SGCZ: variants seen among roughly 807,000 people sequenced by gnomAD.
The protein encoded by SGCZ is sarcoglycan zeta.
Under a neutral mutation model 41.3 loss-of-function variants are expected in SGCZ, and 40 were observed. The observed-to-expected ratio is 0.97, with a 90% CI of 0.75 to 1.26. The LOEUF is 1.26. SGCZ is among the 50% of genes most tolerant of loss of function. The probability of loss-of-function intolerance (pLI) is 0.00; values close to 1 mark genes in which losing one functional copy is unlikely to be tolerated. For missense variants in SGCZ, 552 were observed against 369.8 expected (o/e 1.49, Z -4.04); for synonymous variants, 206 against 137.5 (o/e 1.50, Z -3.49).
intron 1 of SGCZ, among the ~76,000 whole-genome samples, chr8:14,983,956 C>G (rs1311879774): frequency 1.3e-5 from 2 of 152,222 alleles, no homozygotes; most frequent in East Asian, 3.9e-4. Context: ...TCAACCAATA[C>G]TCGCTTTTAA....
intron 1 of SGCZ, among the ~76,000 whole-genome samples, chr8:14,626,539 A>G (rs200756079): frequency 6.6e-6 from 1 of 152,156 alleles, no homozygotes; most frequent in East Asian, 1.9e-4. Context: ...GGGTCATTGC[A>G]AGTGTAAATA....
intron 1 of SGCZ, among the ~76,000 whole-genome samples, chr8:15,136,005 G>T (rs185180015): frequency 1.3e-5 from 2 of 152,214 alleles, no homozygotes; most frequent in East Asian, 3.9e-4. Context: ...CAGGTTATCG[G>T]GTCATTGCCA....
At chr8:14,895,505 C>T (rs766461102) in intron 1 of SGCZ, among the ~76,000 whole-genome samples, 33 of 151,932 alleles carry the variant, frequency 2.2e-4, no homozygotes, top group Non-Finnish European at 4.0e-4. Context: ...AGATTAAAGC[C>T]TTATTATAAC....
chr8:15,217,335 T>TGA (rs1801438437), intron 1 of SGCZ, among the ~76,000 whole-genome samples: 1 of 149,588 alleles, frequency 6.7e-6, no homozygotes, highest in Non-Finnish European at 1.5e-5. Flanking sequence ...GAGAATGGCG[T>TGA]GAACCCGGGA....
chr8:14,116,960 T>C (rs980893101), intron 5 of SGCZ, among the ~76,000 whole-genome samples: 3 of 152,128 alleles, frequency 2.0e-5, no homozygotes, highest in Non-Finnish European at 4.4e-5. Context: ...TACTGCTTTT[T>C]GCAATTTATA....
intron 1 of SGCZ, among the ~76,000 whole-genome samples, chr8:14,628,827 A>T (rs1253147998): frequency 6.6e-6 from 1 of 152,136 alleles, no homozygotes; most frequent in Non-Finnish European, 1.5e-5. Flanking sequence ...AGTATATTTA[A>T]ATCTTTCCTT....
At chr8:14,674,807 A>C (rs1000000840) in intron 1 of SGCZ, among the ~76,000 whole-genome samples, 1 of 151,466 alleles carries the variant, frequency 6.6e-6, no homozygotes, top group Non-Finnish European at 1.5e-5. Flanking sequence ...TGCTTTTGCC[A>C]TGTAAACTGC....
intron 1 of SGCZ, among the ~76,000 whole-genome samples, chr8:14,705,700 T>G (rs898733770): frequency 6.6e-6 from 1 of 152,030 alleles, no homozygotes; most frequent in Non-Finnish European, 1.5e-5. Flanking sequence ...TTGCACTGAT[T>G]ACATGAAATT....
chr8:14,815,629 A>T (rs6530805), intron 1 of SGCZ, among the ~76,000 whole-genome samples: 1 of 152,046 alleles, frequency 6.6e-6, no homozygotes, highest in African/African-American at 2.4e-5. Flanking sequence ...AGAAATATGC[A>T]GTACCTATTC....
chr8:14,397,448 G>T (rs1044001714), intron 2 of SGCZ, among the ~76,000 whole-genome samples: 3 of 151,706 alleles, frequency 2.0e-5, no homozygotes, highest in African/African-American at 7.3e-5. Context: ...TCTATTTTGT[G>T]CATTACCATA....
intron 3 of SGCZ, among the ~76,000 whole-genome samples, chr8:14,256,818 A>T (rs1008589931): frequency 7.2e-5 from 11 of 152,160 alleles, no homozygotes; most frequent in African/African-American, 2.7e-4. Flanking sequence ...TATATCATCA[A>T]ACTGTCTAAT....
intron 2 of SGCZ, among the ~76,000 whole-genome samples, chr8:14,370,440 G>A (rs1335437061): frequency 6.6e-6 from 1 of 151,720 alleles, no homozygotes; most frequent in African/African-American, 2.4e-5. Flanking sequence ...TTTATTTCAA[G>A]TTTCTGAAAC....
intron 1 of SGCZ, among the ~76,000 whole-genome samples, chr8:14,569,013 T>C (rs58965856): frequency 0.033 from 5,038 of 152,300 alleles, 254 homozygotes; most frequent in African/African-American, 0.11. Flanking sequence ...CTGTTTCTTA[T>C]CATGTATTGT....
chr8:14,202,274 C>T (rs1805479189), intron 4 of SGCZ, among the ~76,000 whole-genome samples: 1 of 152,128 alleles, frequency 6.6e-6, no homozygotes, highest in African/African-American at 2.4e-5. Flanking sequence ...CCTCTATAAA[C>T]TGGAAAGGGC....
chr8:14,222,648 C>A (rs1315273944), intron 4 of SGCZ, among the ~76,000 whole-genome samples: 2 of 151,728 alleles, frequency 1.3e-5, no homozygotes, highest in Admixed American at 6.6e-5. Flanking sequence ...TGTTTTGAAT[C>A]GAAAAATGAA....
At chr8:14,735,928 A>T (rs1036608599) in intron 1 of SGCZ, among the ~76,000 whole-genome samples, 1 of 152,104 alleles carries the variant, frequency 6.6e-6, no homozygotes, top group Non-Finnish European at 1.5e-5. Context: ...AGTGATCAGT[A>T]TGAGCAAAGA....
intron 2 of SGCZ, among the ~76,000 whole-genome samples, chr8:14,450,000 A>G (rs1800545717): frequency 6.6e-6 from 1 of 152,248 alleles, no homozygotes; most frequent in South Asian, 2.1e-4. Flanking sequence ...ATATAATGCA[A>G]TGTAATATGA....
intron 1 of SGCZ, among the ~76,000 whole-genome samples, chr8:14,776,012 G>T (rs184066860): frequency 4.4e-4 from 67 of 152,180 alleles, no homozygotes; most frequent in African/African-American, 1.5e-3. Context: ...GTCATCACAT[G>T]TACAAACAAT....
chr8:14,125,148 A>G (rs1802811706), intron 5 of SGCZ, among the ~76,000 whole-genome samples: 1 of 152,166 alleles, frequency 6.6e-6, no homozygotes, highest in Admixed American at 6.5e-5. Context: ...GAGAGGACAC[A>G]AAGAAATGGG....
Sources: allele counts gnomAD v4.1 joint callset (sites outside exome capture counted in the v4.1 genomes callset), GRCh38; gene constraint gnomAD v4.1.1; transcripts MANE v1.5; gene names NCBI Gene and HGNC (gene_info 2026-07-23, HGNC 2026-07-21).